The following ZFHX3 variants were observed in gnomAD, a reference collection of about 807,000 sequenced individuals.
The protein encoded by ZFHX3 is zinc finger homeobox 3, also known as zinc finger homeobox protein 3.
ZFHX3 carries 42 observed loss-of-function variants against 279.1 expected under a neutral mutation model. The ratio of observed to expected loss-of-function variants is 0.15; its 90% CI spans 0.12 to 0.19. The LOEUF is 0.19. Among genes scored for constraint, ZFHX3 ranks in the 10% least tolerant of loss-of-function variants. The probability of loss-of-function intolerance (pLI) is 1.00; values close to 1 mark genes in which losing one functional copy is unlikely to be tolerated. For synonymous variants in ZFHX3, 2,293 were observed against 1,957.8 expected, an observed-to-expected ratio of 1.17 and a Z score of -4.52; for missense variants, 4,981 against 4,754.0, an observed-to-expected ratio of 1.05 and a Z score of -1.40.
intron 2 of ZFHX3, among the ~76,000 whole-genome samples, chr16:73,661,969 T>A (rs913105879): frequency 1.9e-4 from 28 of 147,256 alleles, no homozygotes; most frequent in African/African-American, 6.9e-4. Flanking sequence ...ATTCTTTTTT[T>A]TTTGTTTTTT....
At chr16:73,689,864 G>A (rs1036593930) in intron 1 of ZFHX3, among the ~76,000 whole-genome samples, 3 of 149,320 alleles carry the variant, frequency 2.0e-5, no homozygotes, top group East Asian at 3.9e-4. Flanking sequence ...TCGCTCTGTC[G>A]CCCAGGCTGG....
At chr16:73,357,244 T>C (rs901484230) in intron 3 of ZFHX3, among the ~76,000 whole-genome samples, 19 of 151,934 alleles carry the variant, frequency 1.3e-4, no homozygotes, top group African/African-American at 4.6e-4. Context: ...GCAAGAATAT[T>C]TGTTACTCGA....
chr16:73,500,577 T>G (rs1175774191), intron 2 of ZFHX3, among the ~76,000 whole-genome samples: 1 of 151,804 alleles, frequency 6.6e-6, no homozygotes, highest in African/African-American at 2.4e-5. Flanking sequence ...TCAGCCTGCC[T>G]TGGCCTCCCA....
At chr16:73,544,183 G>C (rs998167209) in intron 2 of ZFHX3, among the ~76,000 whole-genome samples, 3 of 151,830 alleles carry the variant, frequency 2.0e-5, no homozygotes, top group African/African-American at 4.9e-5. Context: ...TAGGACCTGG[G>C]TTAGGGAGAG....
intron 4 of ZFHX3, among the ~76,000 whole-genome samples, chr16:72,870,952 C>G (rs946972006): frequency 1.3e-5 from 2 of 152,172 alleles, no homozygotes; most frequent in African/African-American, 4.8e-5. Flanking sequence ...TCAAGGGGCA[C>G]CATGTGTGAA....
At chr16:73,013,058 C>T (rs67402452) in intron 1 of ZFHX3, among the ~76,000 whole-genome samples, 26,975 of 152,098 alleles carry the variant, frequency 0.18, 2,609 homozygotes, top group East Asian at 0.34. Flanking sequence ...TTCATCTGGG[C>T]GCTCAGGAGG....
intron 1 of ZFHX3, among the ~76,000 whole-genome samples, chr16:73,850,554 G>A (rs986295732): frequency 1.3e-5 from 2 of 152,178 alleles, no homozygotes; most frequent in Non-Finnish European, 2.9e-5. Flanking sequence ...GGCAGAGAAA[G>A]GAGTAAGTTA....
At chr16:73,507,429 C>G (rs1364195904) in intron 2 of ZFHX3, among the ~76,000 whole-genome samples, 1 of 146,942 alleles carries the variant, frequency 6.8e-6, no homozygotes, top group Non-Finnish European at 1.5e-5. Context: ...TGGATGGACA[C>G]AGTGGAAAGT....
intron 2 of ZFHX3, among the ~76,000 whole-genome samples, chr16:73,599,744 A>AAAAAC (rs1555527363): frequency 6.6e-6 from 1 of 151,250 alleles, no homozygotes; most frequent in African/African-American, 2.4e-5. Context: ...AAAAAAAAAA[A>AAAAAC]AACAACAACC....
chr16:72,798,948 A>G (rs574856850), intron 8 of ZFHX3, among the ~76,000 whole-genome samples: 1 of 152,356 alleles, frequency 6.6e-6, no homozygotes, highest in East Asian at 1.9e-4. Context: ...AAAAGGAAAT[A>G]CAAAAAGTTT....
chr16:73,056,817 C>T (rs998148063), intron 1 of ZFHX3, among the ~76,000 whole-genome samples: 1 of 152,222 alleles, frequency 6.6e-6, no homozygotes, highest in Non-Finnish European at 1.5e-5. Flanking sequence ...ACTGCCCAAG[C>T]CTCTTTCGGA....
chr16:73,464,691 G>A (rs2018533186), intron 2 of ZFHX3, among the ~76,000 whole-genome samples: 1 of 152,174 alleles, frequency 6.6e-6, no homozygotes, highest in Non-Finnish European at 1.5e-5. Context: ...GAGCTGCTTT[G>A]ATCTGAAGAA....
At chr16:73,340,816 C>A (rs1001922057) in intron 3 of ZFHX3, among the ~76,000 whole-genome samples, 1 of 152,088 alleles carries the variant, frequency 6.6e-6, no homozygotes, top group African/African-American at 2.4e-5. Flanking sequence ...ATGAACCCTA[C>A]AAGTACTGGA....
At chr16:73,016,387 T>A (rs1439215072) in intron 1 of ZFHX3, among the ~76,000 whole-genome samples, 2 of 148,584 alleles carry the variant, frequency 1.3e-5, no homozygotes, top group African/African-American at 2.5e-5. Flanking sequence ...TGAAGTGGTT[T>A]AAAAAAAAAA....
At chr16:73,024,414 G>A (rs1162802030) in intron 1 of ZFHX3, among the ~76,000 whole-genome samples, 3 of 152,108 alleles carry the variant, frequency 2.0e-5, no homozygotes, top group African/African-American at 2.4e-5. Context: ...CCCAGCCACG[G>A]GCAGGAGGCA....
At chr16:73,660,657 C>T (rs904902584) in intron 2 of ZFHX3, among the ~76,000 whole-genome samples, 1 of 151,850 alleles carries the variant, frequency 6.6e-6, no homozygotes, top group African/African-American at 2.4e-5. Context: ...ATCTGTAGCC[C>T]CACGAGAAAC....
At chr16:73,175,150 C>T (rs542856720) in intron 5 of ZFHX3, among the ~76,000 whole-genome samples, 12 of 151,182 alleles carry the variant, frequency 7.9e-5, no homozygotes, top group East Asian at 2.0e-4. Flanking sequence ...AAGGCTGAGG[C>T]GGGCGGATTA....
intron 2 of ZFHX3, among the ~76,000 whole-genome samples, chr16:73,605,246 C>CA (rs1271876579): frequency 6.6e-6 from 1 of 152,194 alleles, no homozygotes; most frequent in Non-Finnish European, 1.5e-5. Flanking sequence ...TCAAAACACT[C>CA]ACGGCAGCAG....
At chr16:73,194,630 T>G (rs966975333) in intron 5 of ZFHX3, among the ~76,000 whole-genome samples, 1 of 152,182 alleles carries the variant, frequency 6.6e-6, no homozygotes, top group Non-Finnish European at 1.5e-5. Flanking sequence ...AGAAAGAAAA[T>G]GTATGATATA....
Sources: allele counts gnomAD v4.1 joint callset (sites outside exome capture counted in the v4.1 genomes callset), GRCh38; gene constraint gnomAD v4.1.1; transcripts MANE v1.5; gene names NCBI Gene and HGNC (gene_info 2026-07-23, HGNC 2026-07-21).